LINC00632: variants seen among roughly 807,000 people sequenced by gnomAD.
LINC00632 encodes the protein ALDOA related specific transcript.
chrX:140,779,270 G>A (rs1288895243), exon 5 of LINC00632, among the ~76,000 whole-genome samples: 1 of 110,966 alleles, frequency 9.0e-6, no homozygotes, highest in African/African-American at 3.3e-5. Flanking sequence ...AAAAGGAGGG[G>A]TGGGGAGAAA....
chrX:140,747,862 T>G (rs1485203103), intron 3 of LINC00632, among the ~76,000 whole-genome samples: 1 of 111,765 alleles, frequency 8.9e-6, no homozygotes, highest in East Asian at 2.8e-4. Flanking sequence ...AGTTTCACTC[T>G]TGTCGCCCAG....
intron 3 of LINC00632, among the ~76,000 whole-genome samples, chrX:140,756,100 G>C (rs192338034): frequency 9.0e-6 from 1 of 110,791 alleles, no homozygotes. Context: ...AACTTTTTTA[G>C]AACAGCTGTA....
At chrX:140,780,463 A>G (rs1486924685) in exon 5 of LINC00632, among the ~76,000 whole-genome samples, 1 of 112,011 alleles carries the variant, frequency 8.9e-6, no homozygotes, top group Non-Finnish European at 1.9e-5. Flanking sequence ...TGTGGTTATC[A>G]TTACTGACAT....
At chrX:140,726,737 G>T (rs1424355142) in intron 2 of LINC00632, among the ~76,000 whole-genome samples, 2 of 111,655 alleles carry the variant, frequency 1.8e-5, no homozygotes, top group Non-Finnish European at 3.8e-5. Flanking sequence ...CACACCTCCT[G>T]GATACACCTC....
At chrX:140,732,951 C>A (rs187377387) in intron 2 of LINC00632, among the ~76,000 whole-genome samples, 2 of 110,885 alleles carry the variant, frequency 1.8e-5, no homozygotes, top group East Asian at 5.7e-4. Context: ...TTAGTAGAGA[C>A]GGGGTTTCAC....
Position 140,778,683 on chromosome X carries a change from A to T in LINC00632, n.6702A>T, listed in dbSNP as rs1285070551. On this transcript the variant is annotated non_coding_transcript_exon_variant, in exon 5 of 5. Coordinates refer to ENST00000648200, the Ensembl canonical transcript of LINC00632. ...ATTTACTGAGATTACTACCTTGGCC[A>T]TTTTTTTATTTATTTTGACCAGAAT... is the stretch of plus-strand genomic sequence containing the variant. Among the ~76,000 whole-genome samples the T allele has an allele frequency of 4.8e-4, 53 of 110,779 alleles. No homozygotes were observed. In the Admixed American group the frequency reaches 5.0e-3, roughly 10 times the overall value.
At chrX:140,713,662 T>G (rs1370860185) in intron 2 of LINC00632, 7 of 341,218 alleles carry the variant, frequency 2.1e-5, no homozygotes, top group South Asian at 1.8e-4. Context: ...TGCCTTCCAG[T>G]ACACAGACAT....
exon 5 of LINC00632, among the ~76,000 whole-genome samples, chrX:140,779,654 G>T (rs1255385557): frequency 8.9e-6 from 1 of 111,869 alleles, no homozygotes; most frequent in Non-Finnish European, 1.9e-5. Flanking sequence ...ATAGATGAAA[G>T]AATTAGTATC....
intron 2 of LINC00632, among the ~76,000 whole-genome samples, chrX:140,726,133 A>T (rs751430346): frequency 1.8e-5 from 2 of 110,946 alleles, no homozygotes; most frequent in East Asian, 5.7e-4. Context: ...AACCACAAAG[A>T]CATGCTCCAT....
At chrX:140,762,216 A>AGAGAGG (rs1931605175) in intron 3 of LINC00632, among the ~76,000 whole-genome samples, 1 of 87,782 alleles carries the variant, frequency 1.1e-5, no homozygotes, top group African/African-American at 3.9e-5. Context: ...GAAAAGAGAG[A>AGAGAGG]GAGAGAGAGA....
At chrX:140,746,413 A>G (rs1171279851) in intron 3 of LINC00632, among the ~76,000 whole-genome samples, 1 of 112,174 alleles carries the variant, frequency 8.9e-6, no homozygotes, top group Non-Finnish European at 1.9e-5. Context: ...TTTGTTCACT[A>G]CATGGGCTAA....
At chrX:140,718,043 G>A (rs774730134) in intron 2 of LINC00632, among the ~76,000 whole-genome samples, 20 of 110,858 alleles carry the variant, frequency 1.8e-4, no homozygotes, top group African/African-American at 6.6e-4. Context: ...GGCCGAGGCA[G>A]GAGAATCGCT....
intron 3 of LINC00632, among the ~76,000 whole-genome samples, chrX:140,771,075 G>C (rs1257994480): frequency 9.0e-6 from 1 of 111,130 alleles, no homozygotes; most frequent in Non-Finnish European, 1.9e-5. Flanking sequence ...TGGATGGATA[G>C]TCAGATGTTT....
chrX:140,768,684 TATATA>T (rs1400788539), intron 3 of LINC00632, among the ~76,000 whole-genome samples: 28 of 97,635 alleles, frequency 2.9e-4, no homozygotes, highest in South Asian at 4.2e-4. Flanking sequence ...ATATACATAC[TATATA>T]ATATATTTAT....
chrX:140,784,400 T>G, exon 5 of LINC00632: 1 of 1,197,369 alleles, frequency 8.4e-7, no homozygotes, highest in Non-Finnish European at 1.1e-6. Context: ...CCAGAAAATA[T>G]ATGTCTTCCA....
At chrX:140,767,868 G>A (rs988496870) in intron 3 of LINC00632, among the ~76,000 whole-genome samples, 1 of 111,861 alleles carries the variant, frequency 8.9e-6, no homozygotes, top group African/African-American at 3.3e-5. Flanking sequence ...TTGCCCTTTT[G>A]TAAGGAATCC....
chrX:140,747,529 C>CAAAA (rs376796176), intron 3 of LINC00632, among the ~76,000 whole-genome samples: 1 of 63,224 alleles, frequency 1.6e-5, no homozygotes, highest in Non-Finnish European at 2.9e-5. Context: ...AAACTCCATC[C>CAAAA]AAAAAAAAAA....
chrX:140,760,107 G>T (rs192961239), intron 3 of LINC00632, among the ~76,000 whole-genome samples: 1 of 112,191 alleles, frequency 8.9e-6, no homozygotes, highest in East Asian at 2.8e-4. Flanking sequence ...CCTGGGATAA[G>T]GTTAAGTGTT....
chrX:140,716,888 T>C lies in LINC00632; in HGVS notation n.104+5232T>C, dbSNP rs752340861. On this transcript the variant is annotated intron_variant and non_coding_transcript_variant, in intron 2 of 4. Transcript: ENST00000648200. ...CACACCCTATCACACATATTTTTGT[T>C]TCACAACATGTGGATACCCCTGCTC... Among the ~76,000 whole-genome samples the C allele has an allele frequency of 2.7e-5, 3 of 110,775 alleles. No individual in the cohort carries two copies. In the South Asian group the frequency reaches 1.2e-3, roughly 43 times the overall value.
Sources: allele counts gnomAD v4.1 joint callset (sites outside exome capture counted in the v4.1 genomes callset), GRCh38; gene constraint gnomAD v4.1.1; transcripts MANE v1.5; gene names NCBI Gene and HGNC (gene_info 2026-07-23, HGNC 2026-07-21).